Variants in PHACTR1 observed in about 807,000 individuals in gnomAD.
PHACTR1 encodes the protein RPEL repeat containing 1.
In PHACTR1, 16 loss-of-function variants were observed where a neutral mutation model predicts 69.2. The ratio of observed to expected loss-of-function variants is 0.23; its 90% CI spans 0.16 to 0.35. The LOEUF (loss-of-function observed/expected upper bound fraction) is 0.35. PHACTR1 is among the 10% of genes least tolerant of loss of function. The probability of loss-of-function intolerance (pLI) is 1.00; values close to 1 mark genes in which losing one functional copy is unlikely to be tolerated. For missense variants in PHACTR1, 510 were observed against 734.7 expected (o/e 0.69, Z 3.54); for synonymous variants, 312 against 284.5 (o/e 1.10, Z -0.97).
Position 12,975,786 on chromosome 6 carries a change from G to A in PHACTR1, c.251-77579G>A, listed in dbSNP as rs370512815. On this transcript the variant is annotated intron_variant, in intron 4 of 14. Coordinates refer to ENST00000332995, the MANE Select transcript of PHACTR1 (RefSeq NM_030948.6). ...TTGTAGAGACAGAATCTCACTAAAC[G>A]CTGTTGCCCAGGTTGGTCTAATTTC... Among the ~76,000 whole-genome samples, 8 of 152,226 alleles carry A rather than the reference G, an allele frequency of 5.3e-5. No homozygotes were observed. In the South Asian group the frequency reaches 1.7e-3, roughly 32 times the overall value.
chr6:13,006,756 GACACA>G (rs1798850659), intron 4 of PHACTR1, among the ~76,000 whole-genome samples: 1 of 152,154 alleles, frequency 6.6e-6, no homozygotes, highest in Admixed American at 6.5e-5. Flanking sequence ...TCAGCAGCAT[GACACA>G]ACACAAGTTC....
intron 5 of PHACTR1, among the ~76,000 whole-genome samples, chr6:13,108,506 A>T (rs905664626): frequency 1.3e-5 from 2 of 151,964 alleles, no homozygotes; most frequent in African/African-American, 4.8e-5. Flanking sequence ...TCCTCCTTTC[A>T]TACTGTCAGT....
intron 10 of PHACTR1, among the ~76,000 whole-genome samples, chr6:13,260,569 C>T (rs1370809230): frequency 6.6e-6 from 1 of 152,128 alleles, no homozygotes; most frequent in Admixed American, 6.5e-5. Flanking sequence ...AAAGTATTCT[C>T]TTTGTTCCAT....
At chr6:12,723,990 C>G (rs1762467505) in intron 3 of PHACTR1, among the ~76,000 whole-genome samples, 1 of 152,178 alleles carries the variant, frequency 6.6e-6, no homozygotes, top group African/African-American at 2.4e-5. Flanking sequence ...AGGTCTTCCA[C>G]TTTAAATGAA....
At chr6:12,846,958 C>A (rs1208096516) in intron 4 of PHACTR1, among the ~76,000 whole-genome samples, 2 of 151,302 alleles carry the variant, frequency 1.3e-5, no homozygotes, top group Admixed American at 6.6e-5. Context: ...CTAGGACACA[C>A]GCCACACACC....
chr6:13,031,993 GT>G (rs1433767512), intron 4 of PHACTR1, among the ~76,000 whole-genome samples: 1 of 152,154 alleles, frequency 6.6e-6, no homozygotes, highest in Non-Finnish European at 1.5e-5. Context: ...AACATATGTA[GT>G]TTTCTGTATC....
chr6:13,059,458 T>TCACACACACACACACA (rs57652223), intron 5 of PHACTR1, among the ~76,000 whole-genome samples: 1 of 148,142 alleles, frequency 6.8e-6, no homozygotes, highest in African/African-American at 2.5e-5. Flanking sequence ...AATGTTCTTA[T>TCACACACACACACACA]CACACACACA....
At chr6:12,816,804 G>A (rs1561909885) in intron 4 of PHACTR1, among the ~76,000 whole-genome samples, 1 of 152,180 alleles carries the variant, frequency 6.6e-6, no homozygotes, top group Non-Finnish European at 1.5e-5. Context: ...CCATTTTGAG[G>A]AAGATGACCA....
intron 4 of PHACTR1, among the ~76,000 whole-genome samples, chr6:12,915,866 G>C (rs1786931153): frequency 6.6e-6 from 1 of 152,138 alleles, no homozygotes; most frequent in Non-Finnish European, 1.5e-5. Flanking sequence ...CCTCATGACT[G>C]GTTGTCCTGC....
intron 6 of PHACTR1, among the ~76,000 whole-genome samples, chr6:13,166,601 A>G (rs9473564): frequency 0.06 from 9,112 of 152,300 alleles, 736 homozygotes; most frequent in African/African-American, 0.18. Flanking sequence ...TTTATGGTCC[A>G]TAAAACTTTA....
Position 13,053,522 on chromosome 6 carries a change from G to A in PHACTR1, c.408G>A (p.Thr136=), listed in dbSNP as rs375814039. The A allele has an allele frequency of 7.8e-5, 126 of 1,613,194 alleles. No homozygotes were observed. Among genetic ancestry groups the A allele is most frequent in the Middle Eastern group, 6.6e-4 (4 of 6,082 alleles). Residue 136 remains threonine (T), a synonymous_variant, in exon 5 of 15, where the codon ACG becomes ACA. Transcript: ENST00000332995. The part of the protein sequence containing the change: ...RKKKSEKFKH[T]SAALERKISM... ...AGAAAAGCGAAAAGTTCAAACACAC[G>A]TCAGCAGGTAAGATGATTTGTTCTT...
At chr6:12,915,674 T>C (rs1387586378) in intron 4 of PHACTR1, among the ~76,000 whole-genome samples, 3 of 152,100 alleles carry the variant, frequency 2.0e-5, no homozygotes, top group African/African-American at 7.2e-5. Context: ...CTATAATAAA[T>C]CTGACCAGCA....
At chr6:13,255,858 G>A (rs1206722124) in intron 10 of PHACTR1, among the ~76,000 whole-genome samples, 2 of 152,162 alleles carry the variant, frequency 1.3e-5, no homozygotes, top group East Asian at 1.9e-4. Context: ...GGCTTTTCTC[G>A]GTACAGGGTG....
intron 4 of PHACTR1, among the ~76,000 whole-genome samples, chr6:12,910,878 G>T (rs1457043997): frequency 6.6e-6 from 1 of 152,228 alleles, no homozygotes; most frequent in African/African-American, 2.4e-5. Flanking sequence ...GAACCTTAGA[G>T]ATGGGAAGAT....
chr6:13,106,189 C>T (rs1816101655), intron 5 of PHACTR1, among the ~76,000 whole-genome samples: 1 of 152,190 alleles, frequency 6.6e-6, no homozygotes, highest in African/African-American at 2.4e-5. Flanking sequence ...TTCTCATTGA[C>T]ATTGTTTTTA....
intron 6 of PHACTR1, among the ~76,000 whole-genome samples, 156 bp from the exon 7 acceptor site, chr6:13,182,363 G>A (rs558295012): frequency 1.3e-5 from 2 of 152,310 alleles, no homozygotes; most frequent in East Asian, 1.9e-4. Flanking sequence ...TATCTCTAAC[G>A]ATGAAATAAA....
chr6:12,973,474 G>C (rs778433388), intron 4 of PHACTR1, among the ~76,000 whole-genome samples: 10 of 152,176 alleles, frequency 6.6e-5, no homozygotes, highest in East Asian at 1.9e-4. Context: ...TCATGACAAA[G>C]GAATGTGGAA....
intron 4 of PHACTR1, among the ~76,000 whole-genome samples, chr6:12,789,543 C>T (rs1213890239): frequency 2.0e-5 from 3 of 152,074 alleles, no homozygotes; most frequent in Non-Finnish European, 2.9e-5. Flanking sequence ...GCCCATAACA[C>T]TCTTCCAGAC....
intron 7 of PHACTR1, among the ~76,000 whole-genome samples, chr6:13,201,654 C>T (rs1426509168): frequency 6.6e-6 from 1 of 152,130 alleles, no homozygotes; most frequent in African/African-American, 2.4e-5. Context: ...CCAGAGAATA[C>T]AGAAGTCTGA....
Sources: gnomAD v4.1 joint callset for allele counts (sites outside exome capture counted in the v4.1 genomes callset) on GRCh38, gnomAD v4.1.1 for gene constraint, MANE v1.5 for transcripts, NCBI Gene and HGNC (gene_info 2026-07-23, HGNC 2026-07-21) for gene names.